FAAH2: variants seen among roughly 807,000 people sequenced by gnomAD.
FAAH2 encodes fatty acid amide hydrolase 2.
In FAAH2, 60 loss-of-function variants were observed where a neutral mutation model predicts 36.9. The observed-to-expected ratio is 1.63, with a 90% CI of 1.32 to 2.02. The LOEUF (loss-of-function observed/expected upper bound fraction) is 2.02. Ranked by LOEUF, FAAH2 falls within the 30% of genes most tolerant of loss-of-function variation. The probability of loss-of-function intolerance (pLI) is 0.00; values close to 1 mark genes in which losing one functional copy is unlikely to be tolerated. For missense variants in FAAH2, 689 were observed against 397.5 expected (o/e 1.73, Z -6.23); for synonymous variants, 214 against 143.8 (o/e 1.49, Z -3.49).
intron 8 of FAAH2, among the ~76,000 whole-genome samples, chrX:57,433,483 A>T (rs752741132): frequency 1.8e-5 from 2 of 112,117 alleles, no homozygotes; most frequent in South Asian, 7.4e-4. Context: ...TAAAATTTTT[A>T]AATTTTGTGA....
chrX:57,226,315 C>A, the FAAH2 span, among the ~76,000 whole-genome samples: 2 of 111,962 alleles, frequency 1.8e-5, no homozygotes, highest in African/African-American at 6.5e-5. Context: ...TTTAGAGCTT[C>A]TTTTAGAAGT....
At chrX:57,210,049 G>T in the FAAH2 span, among the ~76,000 whole-genome samples, 3 of 110,541 alleles carry the variant, frequency 2.7e-5, no homozygotes, top group Non-Finnish European at 5.7e-5. Context: ...CAGGGGTGAG[G>T]GATGGGCAGT....
At chrX:57,382,538 C>T (rs1028087941) in intron 7 of FAAH2, among the ~76,000 whole-genome samples, 3 of 111,869 alleles carry the variant, frequency 2.7e-5, no homozygotes, top group Non-Finnish European at 3.8e-5. Context: ...TCACAGAATA[C>T]TATAAACATC....
At chrX:57,426,052 CAT>C (rs2056154421) in intron 7 of FAAH2, among the ~76,000 whole-genome samples, 1 of 111,934 alleles carries the variant, frequency 8.9e-6, no homozygotes, top group African/African-American at 3.2e-5. Context: ...TCATGTGTTT[CAT>C]ATGTTTATAA....
At chrX:57,284,752 T>G (rs1272700138), upstream of FAAH2, among the ~76,000 whole-genome samples, 1 of 111,606 alleles carries the variant, frequency 9.0e-6, no homozygotes, top group Non-Finnish European at 1.9e-5. Context: ...TATTTAAGAT[T>G]GTAAAAAAAA....
At chrX:57,134,643 A>G in the FAAH2 span, 4 of 111,278 alleles carry the variant, frequency 3.6e-5, no homozygotes, top group Non-Finnish European at 7.5e-5. Context: ...GTTCAGTAAG[A>G]TTTCATTTTT....
chrX:57,445,497 G>A (rs1346376428), intron 8 of FAAH2, among the ~76,000 whole-genome samples: 1 of 111,362 alleles, frequency 9.0e-6, no homozygotes, highest in Non-Finnish European at 1.9e-5. Flanking sequence ...ACTACTGCCT[G>A]ACTAATGTTT....
chrX:57,395,071 A>T, intron 7 of FAAH2: 1 of 551,708 alleles, frequency 1.8e-6, no homozygotes. Flanking sequence ...GTGCAATAGC[A>T]TTGATCACTC....
At chrX:57,217,245 C>CTG in the FAAH2 span, among the ~76,000 whole-genome samples, 5 of 72,282 alleles carry the variant, frequency 6.9e-5, no homozygotes, top group African/African-American at 4.8e-4. Flanking sequence ...ACTTTGACGA[C>CTG]TGTTTTTTTT....
chrX:57,346,421 C>G (rs1397105780), intron 5 of FAAH2, among the ~76,000 whole-genome samples: 1 of 111,560 alleles, frequency 9.0e-6, no homozygotes, highest in Non-Finnish European at 1.9e-5. Flanking sequence ...TCTGTTTTAT[C>G]TTATAAAAAG....
chrX:57,314,856 T>C (rs2052792336), intron 3 of FAAH2, among the ~76,000 whole-genome samples: 1 of 111,322 alleles, frequency 9.0e-6, no homozygotes, highest in Non-Finnish European at 1.9e-5. Context: ...ATTAACAATA[T>C]AACATAACGC....
the FAAH2 span, among the ~76,000 whole-genome samples, chrX:57,278,200 G>A: frequency 1.8e-5 from 2 of 111,628 alleles, no homozygotes; most frequent in Non-Finnish European, 3.8e-5. Context: ...ATCCAAAACA[G>A]CATGGTACTG....
chrX:57,349,975 A>C (rs2053954814), intron 5 of FAAH2, among the ~76,000 whole-genome samples: 1 of 110,930 alleles, frequency 9.0e-6, no homozygotes, highest in South Asian at 3.8e-4. Context: ...GTCTAAAGTC[A>C]GTGTGAACAA....
chrX:57,328,144 C>T (rs1285734564), intron 3 of FAAH2, among the ~76,000 whole-genome samples: 2 of 112,015 alleles, frequency 1.8e-5, no homozygotes, highest in Non-Finnish European at 3.8e-5. Flanking sequence ...GCAGAGGCTG[C>T]AAAACAGCGA....
At chrX:57,215,772 A>T in the FAAH2 span, among the ~76,000 whole-genome samples, 1 of 109,324 alleles carries the variant, frequency 9.1e-6, no homozygotes, top group Non-Finnish European at 1.9e-5. Flanking sequence ...CAATAAGAAC[A>T]CATGGACACA....
chrX:57,330,447 A>G (rs1421014179), intron 3 of FAAH2, among the ~76,000 whole-genome samples: 1 of 111,702 alleles, frequency 9.0e-6, no homozygotes, highest in East Asian at 2.8e-4. Context: ...TCCTGATAAG[A>G]TGTTATCAAT....
chrX:57,259,360 G>C, the FAAH2 span, among the ~76,000 whole-genome samples: 3 of 111,815 alleles, frequency 2.7e-5, no homozygotes, highest in Admixed American at 2.9e-4. Context: ...CCAAATGTCA[G>C]TTGATGGATA....
At chrX:57,466,156 C>CTCTCTCTCTCTCTCTATA (rs1287266105) in intron 10 of FAAH2, among the ~76,000 whole-genome samples, 2 of 66,417 alleles carry the variant, frequency 3.0e-5, no homozygotes. Flanking sequence ...CTCTCTCTCT[C>CTCTCTCTCTCTCTCTATA]TATATATATA....
chrX:57,412,038 C>T (rs756315083), intron 7 of FAAH2, among the ~76,000 whole-genome samples: 4 of 111,504 alleles, frequency 3.6e-5, no homozygotes, highest in South Asian at 3.7e-4. Context: ...TACAAGTATA[C>T]AATGCATAAT....
Sources: allele counts gnomAD v4.1 joint callset (sites outside exome capture counted in the v4.1 genomes callset), GRCh38; gene constraint gnomAD v4.1.1; transcripts MANE v1.5; gene names NCBI Gene and HGNC (gene_info 2026-07-23, HGNC 2026-07-21).